MANBAL: variants seen among roughly 807,000 people sequenced by gnomAD.
The protein encoded by MANBAL is mannosidase beta like.
In MANBAL, 1 loss-of-function variant was observed where a neutral mutation model predicts 6.4. The observed-to-expected ratio is 0.16, with a 90% CI of 0.06 to 0.74. The LOEUF is 0.74. MANBAL is among the 30% of genes least tolerant of loss of function. The probability of loss-of-function intolerance (pLI) is 0.78; values close to 1 mark genes in which losing one functional copy is unlikely to be tolerated. For synonymous variants in MANBAL, 47 were observed against 45.8 expected, an observed-to-expected ratio of 1.03 and a Z score of -0.10; for missense variants, 100 against 107.8, an observed-to-expected ratio of 0.93 and a Z score of 0.32.
At position 37,316,327 on chromosome 20, in the gene MANBAL, C is replaced by T. The variant is rs1438530962; in HGVS notation, c.170C>T (p.Pro57Leu). ...TCACAGGAGGCTGAACCGTCTGAGC[C>T]CAGAAGTGCTGAGGTGACGAGGAAG... Reference protein sequence around the residue: ...SHEAEAEPSEPRSAEVTRKPK... With the variant: ...SHEAEAEPSELRSAEVTRKPK... Residue 57 changes from proline (P) to leucine (L), a missense_variant, in exon 3 of 3, where the codon CCC becomes CTC. By Grantham distance (98) the Pro-to-Leu change is moderately conservative. Transcript: ENST00000373606. 2 of 1,613,680 alleles carry T rather than the reference C, an allele frequency of 1.2e-6. No homozygotes were observed. Among genetic ancestry groups the T allele is most frequent in the South Asian group, 1.1e-5 (1 of 91,046 alleles).
intron 1 of MANBAL, among the ~76,000 whole-genome samples, chr20:37,299,148 G>A (rs1006334400): frequency 1.1e-4 from 16 of 152,046 alleles, no homozygotes; most frequent in African/African-American, 3.9e-4. Flanking sequence ...TGGCGTGATC[G>A]TGGCTCACTG....
At chr20:37,312,576 T>C (rs192886427) in intron 2 of MANBAL, among the ~76,000 whole-genome samples, 6 of 152,356 alleles carry the variant, frequency 3.9e-5, no homozygotes, top group South Asian at 2.1e-4. Flanking sequence ...GAGGCCGTCA[T>C]GTCCAGACAC....
intron 2 of MANBAL, among the ~76,000 whole-genome samples, chr20:37,307,798 C>T (rs1359987323): frequency 1.3e-5 from 2 of 151,726 alleles, no homozygotes; most frequent in East Asian, 1.9e-4. Context: ...AGCATTATTA[C>T]TTGAAACCCA....
chr20:37,292,809 A>G (rs2068903504), intron 1 of MANBAL, among the ~76,000 whole-genome samples: 1 of 152,046 alleles, frequency 6.6e-6, no homozygotes, highest in South Asian at 2.1e-4. Context: ...CTCATCTGGT[A>G]TGTTTCTGCC....
intron 1 of MANBAL, chr20:37,298,704 A>G (rs190687367): frequency 9.9e-5 from 15 of 151,636 alleles, no homozygotes; most frequent in African/African-American, 3.1e-4. Flanking sequence ...TAATGCTGCT[A>G]TGAACATTAG....
intron 1 of MANBAL, among the ~76,000 whole-genome samples, chr20:37,291,196 T>G (rs1469960684): frequency 3.9e-5 from 6 of 152,230 alleles, no homozygotes; most frequent in African/African-American, 1.4e-4. Flanking sequence ...CCTTTTTGTT[T>G]TAGAATAATT....
At chr20:37,302,141 C>A in intron 2 of MANBAL, 1 of 1,243,874 alleles carries the variant, frequency 8.0e-7, no homozygotes, top group South Asian at 1.4e-5. Flanking sequence ...CTTGCCCACT[C>A]CCATTTGCTC....
intron 2 of MANBAL, among the ~76,000 whole-genome samples, chr20:37,312,332 C>T (rs2069408639): frequency 6.6e-6 from 1 of 152,124 alleles, no homozygotes; most frequent in African/African-American, 2.4e-5. Context: ...TCCAGAGGCA[C>T]CTTGTGGTTC....
chr20:37,299,142 G>A (rs556776708), intron 1 of MANBAL, among the ~76,000 whole-genome samples: 4 of 152,118 alleles, frequency 2.6e-5, no homozygotes, highest in South Asian at 2.1e-4. Flanking sequence ...GTGCAGTGGC[G>A]TGATCGTGGC....
At chr20:37,300,796 A>G (rs1238829029) in intron 1 of MANBAL, among the ~76,000 whole-genome samples, 1 of 152,188 alleles carries the variant, frequency 6.6e-6, no homozygotes, top group African/African-American at 2.4e-5. Context: ...AGTTGTTAAC[A>G]TTTCACAATT....
Position 37,316,805 on chromosome 20 carries a change from C to G in MANBAL, c.*390C>G. On this transcript the variant is annotated 3_prime_UTR_variant, in exon 3 of 3. Transcript: ENST00000373606. ...TGTCTAATGCTGACAAGCACACCCT[C>G]TCCCATTATTTGTGCACTACAGATC... 5.4e-6 allele frequency: 1 copy of G among 185,896 alleles called. No homozygotes were observed. The allele number at this position is 185,896 out of a possible 1,614,324, so 11.5% of individuals were successfully genotyped here.
chr20:37,309,714 G>A (rs1484966184), intron 2 of MANBAL, among the ~76,000 whole-genome samples: 2 of 152,154 alleles, frequency 1.3e-5, no homozygotes, highest in African/African-American at 2.4e-5. Flanking sequence ...TAGGACAGTG[G>A]CCTAGAAGGT....
intron 1 of MANBAL, among the ~76,000 whole-genome samples, chr20:37,292,391 T>G (rs1170727195): frequency 6.6e-6 from 1 of 152,160 alleles, no homozygotes; most frequent in Non-Finnish European, 1.5e-5. Context: ...AACCTCCACC[T>G]CCCGGGTTTA....
chr20:37,295,085 C>T (rs2068963222), intron 1 of MANBAL, among the ~76,000 whole-genome samples: 1 of 152,218 alleles, frequency 6.6e-6, no homozygotes, highest in East Asian at 1.9e-4. Context: ...AGGATAGCAG[C>T]TCTGCCCTGA....
intron 1 of MANBAL, among the ~76,000 whole-genome samples, chr20:37,290,901 T>G (rs1165369659): frequency 4.6e-5 from 7 of 152,264 alleles, no homozygotes; most frequent in Admixed American, 4.6e-4. Flanking sequence ...AGAGCCACTG[T>G]GCCTGGCCTA....
rs16986559 is a variant in MANBAL at position 37,290,261 on chromosome 20, T to C, written c.-57+575T>C. Among the ~76,000 whole-genome samples, 756 of 152,302 alleles carry C rather than the reference T, an allele frequency of 5.0e-3. 10 individuals carry two copies. Among genetic ancestry groups the C allele is most frequent in the African/African-American group, 0.018 (729 of 41,552 alleles). ...GACAACACATTTAGATTAATAATTA[T>C]ATTTTGCAGGGCATCTGCACACCAG... On this transcript the variant is annotated intron_variant, in intron 1 of 2. Transcript: ENST00000373606.
chr20:37,309,986 G>T (rs1385266690), intron 2 of MANBAL, among the ~76,000 whole-genome samples: 1 of 152,086 alleles, frequency 6.6e-6, no homozygotes, highest in Non-Finnish European at 1.5e-5. Context: ...GTGTGATGAG[G>T]GTATAAACAT....
chr20:37,301,085 G>A (rs2069122819), intron 1 of MANBAL, 123 bp from the exon 2 acceptor site: 1 of 488,966 alleles, frequency 2.0e-6, no homozygotes, highest in Non-Finnish European at 3.0e-6. Context: ...CGAAGTTGCA[G>A]TGATCATGCC....
chr20:37,303,509 G>A (rs1277494470), intron 2 of MANBAL, among the ~76,000 whole-genome samples: 2 of 152,128 alleles, frequency 1.3e-5, no homozygotes, highest in African/African-American at 4.8e-5. Context: ...TTTATCTTAT[G>A]CTGGAAATCT....
Sources: gnomAD v4.1 joint callset for allele counts (sites outside exome capture counted in the v4.1 genomes callset) on GRCh38, gnomAD v4.1.1 for gene constraint, MANE v1.5 for transcripts, NCBI Gene and HGNC (gene_info 2026-07-23, HGNC 2026-07-21) for gene names.